Variants in DOK6 observed in about 807,000 individuals in gnomAD.
DOK6 encodes the protein docking protein 6, also known as downstream of tyrosine kinase 6.
DOK6 carries 22 observed loss-of-function variants against 44.0 expected under a neutral mutation model. That is an observed-to-expected ratio of 0.50 (90% CI 0.36 to 0.71). The LOEUF (loss-of-function observed/expected upper bound fraction) is 0.71, where lower values mean the gene tolerates loss of function less well. Among genes scored for constraint, DOK6 ranks in the 30% least tolerant of loss-of-function variants. The probability of loss-of-function intolerance (pLI) is 0.00; values close to 1 mark genes in which losing one functional copy is unlikely to be tolerated. For missense variants in DOK6, 340 were observed against 416.4 expected, an observed-to-expected ratio of 0.82 and a Z score of 1.60; for synonymous variants, 166 against 145.5, an observed-to-expected ratio of 1.14 and a Z score of -1.01.
chr18:69,546,686 A>G (rs761482376), intron 1 of DOK6, among the ~76,000 whole-genome samples: 3 of 151,288 alleles, frequency 2.0e-5, no homozygotes, highest in Admixed American at 6.6e-5. Flanking sequence ...GGTACATAAT[A>G]TTTTGCATAT....
intron 5 of DOK6, among the ~76,000 whole-genome samples, chr18:69,719,175 T>C (rs1986950235): frequency 6.6e-6 from 1 of 152,192 alleles, no homozygotes; most frequent in Non-Finnish European, 1.5e-5. Flanking sequence ...AACCTGCCTC[T>C]CCAAGAGTTC....
chr18:69,559,768 C>T (rs1449019535), intron 1 of DOK6, among the ~76,000 whole-genome samples: 5 of 152,070 alleles, frequency 3.3e-5, no homozygotes, highest in African/African-American at 1.2e-4. Context: ...GGTGCCAGCC[C>T]CATTGGGTTC....
At chr18:69,536,470 C>G (rs576421227) in intron 1 of DOK6, among the ~76,000 whole-genome samples, 1 of 152,132 alleles carries the variant, frequency 6.6e-6, no homozygotes, top group East Asian at 1.9e-4. Context: ...TATATCTTAT[C>G]TTTATGAAAT....
chr18:69,633,491 C>T lies in DOK6; in HGVS notation c.289+33993C>T, dbSNP rs189614975. ...GGTTTCCATGTATCTTCTTAGTATA[C>T]ATATCTTGCAACCAAGGTCTAGCTT... On this transcript the variant is annotated intron_variant, in intron 3 of 7. Transcript: ENST00000382713. 5.3e-5 allele frequency among the ~76,000 whole-genome samples: 8 copies of T among 152,260 alleles called. No homozygotes were observed. The East Asian group carries it at 1.5e-3, about 29-fold the overall frequency.
intron 1 of DOK6, among the ~76,000 whole-genome samples, chr18:69,428,843 C>T (rs1978716866): frequency 6.6e-6 from 1 of 152,214 alleles, no homozygotes; most frequent in South Asian, 2.1e-4. Context: ...CTATATTTTA[C>T]ATCAATGATG....
intron 7 of DOK6, among the ~76,000 whole-genome samples, chr18:69,836,498 T>C (rs973666257): frequency 7.2e-5 from 11 of 152,172 alleles, no homozygotes; most frequent in African/African-American, 9.6e-5. Context: ...GTTTTTTTTT[T>C]CCCCAGATTG....
intron 7 of DOK6, among the ~76,000 whole-genome samples, chr18:69,813,770 A>G (rs1325671775): frequency 6.6e-6 from 1 of 152,032 alleles, no homozygotes; most frequent in Non-Finnish European, 1.5e-5. Context: ...CAAACTAGGA[A>G]TTGGGCAATC....
intron 7 of DOK6, among the ~76,000 whole-genome samples, chr18:69,769,677 G>A (rs1247535352): frequency 6.6e-6 from 1 of 152,016 alleles, no homozygotes; most frequent in Non-Finnish European, 1.5e-5. Flanking sequence ...TAATGTCCCA[G>A]CTTCTTTAGA....
intron 3 of DOK6, among the ~76,000 whole-genome samples, chr18:69,676,169 A>G (rs941673711): frequency 1.3e-5 from 2 of 152,216 alleles, no homozygotes; most frequent in South Asian, 2.1e-4. Flanking sequence ...TCCCTGACAC[A>G]TGCAAACTGT....
chr18:69,710,590 T>C (rs2144714637), intron 5 of DOK6, among the ~76,000 whole-genome samples: 1 of 152,334 alleles, frequency 6.6e-6, no homozygotes, highest in South Asian at 2.1e-4. Context: ...ACATATTATC[T>C]TTTGACCCGA....
At chr18:69,486,022 A>G (rs1324430712) in intron 1 of DOK6, among the ~76,000 whole-genome samples, 1 of 151,932 alleles carries the variant, frequency 6.6e-6, no homozygotes, top group Non-Finnish European at 1.5e-5. Flanking sequence ...CTTTTGGTCT[A>G]TAAATGCCAC....
chr18:69,702,047 T>C (rs995895086), intron 5 of DOK6, among the ~76,000 whole-genome samples: 5 of 151,296 alleles, frequency 3.3e-5, no homozygotes, highest in Admixed American at 6.6e-5. Flanking sequence ...ATATACACTA[T>C]AAGGTCTAAG....
At chr18:69,577,772 T>G (rs1317560769) in intron 2 of DOK6, among the ~76,000 whole-genome samples, 2 of 152,190 alleles carry the variant, frequency 1.3e-5, no homozygotes, top group African/African-American at 4.8e-5. Flanking sequence ...GGAGGGTATC[T>G]GTAACATTGT....
intron 3 of DOK6, chr18:69,662,923 T>A (rs1220795712): frequency 6.6e-6 from 1 of 152,254 alleles, no homozygotes; most frequent in Non-Finnish European, 1.5e-5. Flanking sequence ...TCACCTTAGC[T>A]CCAAAGCCAA....
chr18:69,509,718 C>G (rs917156593), intron 1 of DOK6, among the ~76,000 whole-genome samples: 21 of 151,640 alleles, frequency 1.4e-4, no homozygotes, highest in African/African-American at 4.8e-4. Flanking sequence ...TCTCCTTACC[C>G]CCAATAACAC....
chr18:69,486,369 G>C (rs1980578278), intron 1 of DOK6, among the ~76,000 whole-genome samples: 1 of 152,134 alleles, frequency 6.6e-6, no homozygotes, highest in African/African-American at 2.4e-5. Context: ...TTCATGAAAA[G>C]TCTTAGTAAG....
chr18:69,680,411 C>T (rs937025338), intron 4 of DOK6, among the ~76,000 whole-genome samples: 1 of 152,202 alleles, frequency 6.6e-6, no homozygotes, highest in African/African-American at 2.4e-5. Context: ...TCTGCACCCC[C>T]CTCTTTAAAG....
intron 7 of DOK6, among the ~76,000 whole-genome samples, chr18:69,794,280 C>T (rs1246073658): frequency 2.6e-5 from 4 of 152,170 alleles, no homozygotes; most frequent in African/African-American, 9.6e-5. Flanking sequence ...TAGCTTTCTA[C>T]AGAAGTATCT....
intron 2 of DOK6, among the ~76,000 whole-genome samples, chr18:69,566,318 A>C (rs1354573338): frequency 6.6e-6 from 1 of 151,980 alleles, no homozygotes; most frequent in African/African-American, 2.4e-5. Flanking sequence ...TTGTGTTTTT[A>C]GTAGAGACGG....
Sources: gnomAD v4.1 joint callset for allele counts (sites outside exome capture counted in the v4.1 genomes callset) on GRCh38, gnomAD v4.1.1 for gene constraint, MANE v1.5 for transcripts, NCBI Gene and HGNC (gene_info 2026-07-23, HGNC 2026-07-21) for gene names.